Variants in NLRP14 observed in about 807,000 individuals in gnomAD.
NLRP14 encodes NLR family pyrin domain containing 14.
In NLRP14, 105 loss-of-function variants were observed where a neutral mutation model predicts 94.7. The ratio of observed to expected loss-of-function variants is 1.11; its 90% CI spans 0.95 to 1.30. The LOEUF is 1.30. Among genes scored for constraint, NLRP14 ranks in the 50% most tolerant of loss-of-function variants. The probability of loss-of-function intolerance (pLI) is 0.00; values close to 1 mark genes in which losing one functional copy is unlikely to be tolerated. For missense variants in NLRP14, 1,362 were observed against 1,254.1 expected, an observed-to-expected ratio of 1.09 and a Z score of -1.30; for synonymous variants, 508 against 459.9, an observed-to-expected ratio of 1.10 and a Z score of -1.34.
chr11:7,081,274 G>A, the NLRP14 span, among the ~76,000 whole-genome samples: 4 of 152,068 alleles, frequency 2.6e-5, no homozygotes, highest in Non-Finnish European at 4.4e-5. Flanking sequence ...AGGAGAAACG[G>A]TTAATGAATC....
At chr11:7,073,455 C>T (rs1049888279), downstream of NLRP14, among the ~76,000 whole-genome samples, 1 of 152,214 alleles carries the variant, frequency 6.6e-6, no homozygotes, top group Non-Finnish European at 1.5e-5. Context: ...CCAACACCAG[C>T]TGGGTGTCCT....
intron 4 of NLRP14, among the ~76,000 whole-genome samples, chr11:7,044,294 C>T (rs1052119835): frequency 9.2e-5 from 14 of 152,082 alleles, no homozygotes; most frequent in African/African-American, 3.4e-4. Context: ...CTTCAGTCTT[C>T]AAGGAGGAAT....
the NLRP14 span, among the ~76,000 whole-genome samples, chr11:7,082,436 G>A: frequency 4.6e-5 from 7 of 152,208 alleles, no homozygotes; most frequent in South Asian, 2.1e-4. Flanking sequence ...CATATTTCAT[G>A]AAAATGTCTC....
the NLRP14 span, chr11:7,090,119 C>T: frequency 3.1e-6 from 5 of 1,612,262 alleles, no homozygotes; most frequent in Non-Finnish European, 4.2e-6. Flanking sequence ...ATGGCCGGAG[C>T]GACCGCTACT....
In NLRP14 at chr11:7,027,767, A is replaced by G. The variant is rs541234814; in HGVS notation, c.-22+6997A>G. On this transcript the variant is annotated intron_variant, in intron 1 of 11. Coordinates refer to ENST00000299481, the MANE Select transcript of NLRP14 (RefSeq NM_176822.4). ...GTTTTCAAAGTAACTATTGATCTCAATGTTGCTAAATTCAATGGTCAGTTT... is the reference window on the plus strand; with the variant it reads ...GTTTTCAAAGTAACTATTGATCTCAGTGTTGCTAAATTCAATGGTCAGTTT... Among the ~76,000 whole-genome samples, 7 of 152,222 alleles carry G rather than the reference A, an allele frequency of 4.6e-5. 1 individual carries two copies. The South Asian group carries it at 1.4e-3, about 32-fold the overall frequency.
chr11:7,058,504 T>A, intron 8 of NLRP14, 54 bp downstream of exon 8: 1 of 1,310,260 alleles, frequency 7.6e-7, no homozygotes, highest in Non-Finnish European at 1.1e-6. Flanking sequence ...TTGAAATATG[T>A]TTAAAATAGT....
At chr11:7,056,980 C>T (rs1276910432) in intron 6 of NLRP14, among the ~76,000 whole-genome samples, 1 of 151,850 alleles carries the variant, frequency 6.6e-6, no homozygotes, top group African/African-American at 2.4e-5. Flanking sequence ...TCTTGAGTGA[C>T]TCAAGTTGGT....
chr11:7,090,646 C>T, the NLRP14 span: 28 of 352,100 alleles, frequency 8.0e-5, no homozygotes, highest in Middle Eastern at 9.7e-4. Flanking sequence ...CTTTGATAAA[C>T]ATCTGCTCAC....
chr11:7,060,138 G>C (rs77872858), intron 9 of NLRP14, 74 bp downstream of exon 9: 1 of 1,281,542 alleles, frequency 7.8e-7, no homozygotes, highest in Non-Finnish European at 1.1e-6. Context: ...AAGAAAGGCT[G>C]AGAACCGAGC....
chr11:7,089,788 G>A, the NLRP14 span: 24 of 1,598,082 alleles, frequency 1.5e-5, no homozygotes, highest in Non-Finnish European at 2.0e-5. Context: ...TACTCGAGCC[G>A]AGACTACCGC....
chr11:7,029,962 G>T (rs1198236727), intron 1 of NLRP14, among the ~76,000 whole-genome samples: 3 of 152,136 alleles, frequency 2.0e-5, no homozygotes, highest in African/African-American at 7.2e-5. Context: ...TAATGCCAAC[G>T]AATACTGGCT....
At chr11:7,040,806 A>T (rs1350658877) in intron 3 of NLRP14, among the ~76,000 whole-genome samples, 1 of 152,222 alleles carries the variant, frequency 6.6e-6, no homozygotes, top group African/African-American at 2.4e-5. Context: ...TGAATATAAC[A>T]TCCCACTGTG....
chr11:7,067,406 G>A (rs1168002915), intron 10 of NLRP14, among the ~76,000 whole-genome samples: 2 of 152,144 alleles, frequency 1.3e-5, no homozygotes, highest in African/African-American at 2.4e-5. Flanking sequence ...TCTCCTTGAA[G>A]AGGTCCTTCA....
rs887941656 is a variant in NLRP14 at position 7,032,493 on chromosome 11, T to A, written c.-21-6073T>A. Among the ~76,000 whole-genome samples the A allele has an allele frequency of 2.0e-5, 3 of 152,238 alleles. No homozygotes were observed. In the East Asian group the frequency reaches 5.8e-4, roughly 29 times the overall value. ...AAAGAAGATACTGTTTGAAAACTCA[T>A]GCATGTTTGTAAAATTCTCAGTAGA... On this transcript the variant is annotated intron_variant, in intron 1 of 11. Transcript: ENST00000299481.
intron 1 of NLRP14, among the ~76,000 whole-genome samples, chr11:7,037,945 C>T (rs899160570): frequency 6.6e-6 from 1 of 152,098 alleles, no homozygotes; most frequent in African/African-American, 2.4e-5. Context: ...GGGGAAAGTG[C>T]ATGAAAGGAG....
chr11:7,060,157 G>A (rs1852594829), intron 9 of NLRP14, 93 bp downstream of exon 9: 3 of 1,151,624 alleles, frequency 2.6e-6, no homozygotes, highest in Non-Finnish European at 3.9e-6. Flanking sequence ...GCATCTATCA[G>A]AGAAAAGAAT....
rs1214592481 is a variant in NLRP14 at position 7,053,486 on chromosome 11, C to G, written c.2291+3648C>G. On this transcript the variant is annotated intron_variant, in intron 6 of 11. Coordinates refer to ENST00000299481, the MANE Select transcript of NLRP14 (RefSeq NM_176822.4). ...GATTTAAATTATATATATATATATACTTTAAAATATTAGTGTAAGTAATAT... is the reference window on the plus strand; with the variant it reads ...GATTTAAATTATATATATATATATAGTTTAAAATATTAGTGTAAGTAATAT... Among the ~76,000 whole-genome samples the G allele has an allele frequency of 3.0e-4, 43 of 143,996 alleles. 2 individuals are homozygous for G. In the Admixed American group the frequency reaches 3.0e-3, roughly 10 times the overall value. The allele number at this position is 143,996 out of a possible 152,430, so 94.5% of individuals were successfully genotyped here. A position where few individuals can be genotyped will look rare whatever the true frequency, so the allele number is the denominator to read the frequency against.
At chr11:7,031,646 G>A (rs929454603) in intron 1 of NLRP14, among the ~76,000 whole-genome samples, 2 of 152,176 alleles carry the variant, frequency 1.3e-5, no homozygotes, top group Non-Finnish European at 2.9e-5. Flanking sequence ...GACGAATGGA[G>A]GCAAGCCCCT....
chr11:7,023,318 A>G (rs1180581361), intron 1 of NLRP14, among the ~76,000 whole-genome samples: 6 of 147,350 alleles, frequency 4.1e-5, no homozygotes, highest in African/African-American at 1.5e-4. Flanking sequence ...TATATATTTT[A>G]TAAAATAAAA....
Sources: allele counts gnomAD v4.1 joint callset (sites outside exome capture counted in the v4.1 genomes callset), GRCh38; gene constraint gnomAD v4.1.1; transcripts MANE v1.5; gene names NCBI Gene and HGNC (gene_info 2026-07-23, HGNC 2026-07-21).